Variants in CNTNAP5 observed in about 807,000 individuals in gnomAD.
CNTNAP5 encodes contactin associated protein family member 5, also known as contactin-associated protein-like 5.
CNTNAP5 carries 72 observed loss-of-function variants against 150.2 expected under a neutral mutation model. The observed-to-expected ratio is 0.48, with a 90% confidence interval of 0.40 to 0.58. The LOEUF (loss-of-function observed/expected upper bound fraction) is 0.58. CNTNAP5 is among the 20% of genes least tolerant of loss of function. The pLI is 0.00. For missense variants in CNTNAP5, 1,636 were observed against 1,626.2 expected (o/e 1.01, Z -0.10); for synonymous variants, 672 against 619.8 (o/e 1.08, Z -1.25).
At chr2:124,817,695 T>C (rs1363868101) in intron 19 of CNTNAP5, among the ~76,000 whole-genome samples, 1 of 152,124 alleles carries the variant, frequency 6.6e-6, no homozygotes, top group Non-Finnish European at 1.5e-5. Flanking sequence ...ACAAATAGTG[T>C]GACTTGAGGA....
At chr2:124,025,873 T>A (rs1680873564) in intron 1 of CNTNAP5, 141 bp downstream of exon 1, 1 of 738,704 alleles carries the variant, frequency 1.4e-6, no homozygotes, top group South Asian at 1.6e-5. Context: ...TGTGGTTCCA[T>A]CACTCCAACC....
intron 19 of CNTNAP5, among the ~76,000 whole-genome samples, chr2:124,846,373 G>A (rs962171185): frequency 5.3e-5 from 8 of 152,104 alleles, no homozygotes; most frequent in Non-Finnish European, 1.2e-4. Flanking sequence ...TTGGACTGCT[G>A]AGACTTTCCG....
chr2:124,441,433 G>C lies in CNTNAP5; in HGVS notation c.734-5320G>C, dbSNP rs567419622. On this transcript the variant is annotated intron_variant, in intron 5 of 23. Transcript: ENST00000682447. The stretch of plus-strand genomic sequence containing the variant: ...CATTCTTCAGTTTTATCCGCACATA[G>C]TGCTTATTTGTGCCTTTTCCAGAAT... Among the ~76,000 whole-genome samples, 3 of 151,924 alleles carry C rather than the reference G, an allele frequency of 2.0e-5. No individual in the cohort carries two copies. In the South Asian group the frequency reaches 6.2e-4, roughly 32 times the overall value.
At chr2:124,388,267 T>G (rs1340653849) in intron 3 of CNTNAP5, among the ~76,000 whole-genome samples, 1 of 152,180 alleles carries the variant, frequency 6.6e-6, no homozygotes, top group Non-Finnish European at 1.5e-5. Context: ...CTAGGCCAGC[T>G]GAAGCCTGGG....
intron 18 of CNTNAP5, among the ~76,000 whole-genome samples, chr2:124,796,532 A>G (rs1258068223): frequency 1.3e-5 from 2 of 152,206 alleles, no homozygotes; most frequent in Non-Finnish European, 2.9e-5. Flanking sequence ...TAAATGCAAA[A>G]CACTTTCTCT....
chr2:124,269,652 G>A lies in CNTNAP5; in HGVS notation c.381+27259G>A, dbSNP rs193112742. ...AGACTGACCCGAAAAGCAAATGCAG[G>A]TGGAACAAAAGGCAGCCCTGACTAT... On this transcript the variant is annotated intron_variant, in intron 3 of 23. Transcript: ENST00000682447. Among the ~76,000 whole-genome samples the A allele has an allele frequency of 3.3e-5, 5 of 152,266 alleles. No homozygotes were observed. The East Asian group carries it at 9.7e-4, about 29-fold the overall frequency.
chr2:124,335,293 G>A (rs1289926504), intron 3 of CNTNAP5, among the ~76,000 whole-genome samples: 1 of 151,946 alleles, frequency 6.6e-6, no homozygotes, highest in African/African-American at 2.4e-5. Context: ...ACTCCCCTGA[G>A]AGCTTTGTAC....
chr2:124,729,307 G>T (rs1037514038), intron 13 of CNTNAP5, among the ~76,000 whole-genome samples: 5 of 151,968 alleles, frequency 3.3e-5, no homozygotes, highest in Non-Finnish European at 5.9e-5. Context: ...TGAAATACTT[G>T]TAATAATGTC....
chr2:124,285,704 G>A (rs1293444994), intron 3 of CNTNAP5, among the ~76,000 whole-genome samples: 1 of 152,116 alleles, frequency 6.6e-6, no homozygotes, highest in Non-Finnish European at 1.5e-5. Flanking sequence ...TTGAGAGGCT[G>A]AGGTGGGAGG....
intron 3 of CNTNAP5, among the ~76,000 whole-genome samples, chr2:124,286,227 C>T (rs539326065): frequency 6.6e-6 from 1 of 152,290 alleles, no homozygotes; most frequent in Admixed American, 6.5e-5. Context: ...CTGGCTCTGG[C>T]TCACAAAGGC....
chr2:124,737,362 T>C (rs1680406340), intron 13 of CNTNAP5, among the ~76,000 whole-genome samples: 1 of 151,596 alleles, frequency 6.6e-6, no homozygotes, highest in Non-Finnish European at 1.5e-5. Flanking sequence ...TGGAAATAAT[T>C]AAATGGTTAA....
chr2:124,551,914 T>C (rs1695637879), intron 10 of CNTNAP5, among the ~76,000 whole-genome samples: 1 of 152,144 alleles, frequency 6.6e-6, no homozygotes. Flanking sequence ...GATGATTTTC[T>C]CAAGATGTGT....
intron 13 of CNTNAP5, among the ~76,000 whole-genome samples, chr2:124,693,390 G>T (rs1418822310): frequency 2.0e-5 from 3 of 152,088 alleles, no homozygotes; most frequent in African/African-American, 7.2e-5. Flanking sequence ...GGAACATAAT[G>T]TGTCCAAGAC....
chr2:124,403,718 G>GT (rs1691491776), intron 3 of CNTNAP5, among the ~76,000 whole-genome samples: 1 of 152,174 alleles, frequency 6.6e-6, no homozygotes, highest in African/African-American at 2.4e-5. Context: ...AGGGCAAATC[G>GT]TATTAGTCCG....
At chr2:124,170,930 G>A (rs1455233907) in intron 1 of CNTNAP5, among the ~76,000 whole-genome samples, 4 of 152,072 alleles carry the variant, frequency 2.6e-5, no homozygotes, top group Admixed American at 1.3e-4. Context: ...TATCTCTTAC[G>A]TAGGAAACCC....
At chr2:124,222,032 T>C (rs1464293855) in intron 2 of CNTNAP5, among the ~76,000 whole-genome samples, 5 of 152,124 alleles carry the variant, frequency 3.3e-5, no homozygotes, top group African/African-American at 4.8e-5. Flanking sequence ...AGTATCCTTT[T>C]TTGATTATCA....
chr2:124,217,187 T>A (rs1345687768), intron 1 of CNTNAP5, among the ~76,000 whole-genome samples: 1 of 152,194 alleles, frequency 6.6e-6, no homozygotes, highest in African/African-American at 2.4e-5. Flanking sequence ...TGTGTCCCAT[T>A]GGAAGTGAGT....
chr2:124,866,010 T>C (rs1677624288), intron 20 of CNTNAP5, among the ~76,000 whole-genome samples: 1 of 150,010 alleles, frequency 6.7e-6, no homozygotes, highest in East Asian at 2.0e-4. Flanking sequence ...ATGCCTGTAA[T>C]CCCAACACTT....
At chr2:124,103,712 T>C (rs74736253) in intron 1 of CNTNAP5, among the ~76,000 whole-genome samples, 7,668 of 151,886 alleles carry the variant, frequency 0.05, 297 homozygotes, top group South Asian at 0.15. Context: ...AAGGACACAC[T>C]GATGTTCAAT....
Sources: allele counts gnomAD v4.1 joint callset (sites outside exome capture counted in the v4.1 genomes callset), GRCh38; gene constraint gnomAD v4.1.1; transcripts MANE v1.5; gene names NCBI Gene and HGNC (gene_info 2026-07-23, HGNC 2026-07-21).